The following CCDC93 variants were observed in gnomAD, a reference collection of about 807,000 sequenced individuals.
CCDC93 encodes CCC complex scaffolding subunit CCDC93, also known as coiled-coil domain-containing protein 93.
CCDC93 carries 61 observed loss-of-function variants against 108.2 expected under a neutral mutation model. The ratio of observed to expected loss-of-function variants is 0.56; its 90% CI spans 0.46 to 0.70. The LOEUF is 0.70. Ranked by LOEUF, CCDC93 falls within the 30% of genes least tolerant of loss-of-function variation. The pLI, the probability that CCDC93 is intolerant of heterozygous loss-of-function variation, is 0.00. For synonymous variants in CCDC93, 276 were observed against 260.4 expected (o/e 1.06, Z -0.58); for missense variants, 685 against 764.2 (o/e 0.90, Z 1.22).
intron 14 of CCDC93, 64 bp from the exon 15 acceptor site, chr2:117,948,250 A>T: frequency 8.3e-7 from 1 of 1,210,458 alleles, no homozygotes; most frequent in Non-Finnish European, 1.2e-6. Context: ...ATCGCAGCTA[A>T]AAGCAGGTCC....
rs865881161 is a variant in CCDC93 at position 117,941,040 on chromosome 2, G to A, written c.1522+149C>T. On this transcript the variant is annotated intron_variant, in intron 19 of 23. Transcript: ENST00000376300. ...GCACCACAGTGCTGCTCCCGGGACTGCCAAGTGGGCCTGCTGATGAAACGG... is the reference window on the plus strand; with the variant it reads ...GCACCACAGTGCTGCTCCCGGGACTACCAAGTGGGCCTGCTGATGAAACGG... The A allele has an allele frequency of 5.6e-5, 35 of 622,388 alleles. No homozygotes were observed. In the Middle Eastern group the frequency reaches 3.3e-3, roughly 59 times the overall value. The allele number at this position is 622,388 out of a possible 1,614,324, so 38.6% of individuals were successfully genotyped here. A position where few individuals can be genotyped will look rare whatever the true frequency, so the allele number is the denominator to read the frequency against.
At chr2:117,938,538 A>C (rs1341460176) in intron 20 of CCDC93, among the ~76,000 whole-genome samples, 2 of 130,016 alleles carry the variant, frequency 1.5e-5, no homozygotes, top group African/African-American at 5.9e-5. Context: ...TATAATAATA[A>C]AAGAAAAAAA....
chr2:117,961,879 C>A (rs1421434585), intron 11 of CCDC93, among the ~76,000 whole-genome samples: 1 of 152,222 alleles, frequency 6.6e-6, no homozygotes, highest in Non-Finnish European at 1.5e-5. Context: ...CAACCATCTA[C>A]AAATATTCCA....
intron 6 of CCDC93, 151 bp from the exon 7 acceptor site, chr2:117,986,220 A>G: frequency 1.9e-6 from 1 of 531,954 alleles, no homozygotes; most frequent in Non-Finnish European, 3.3e-6. Flanking sequence ...GCTGGAATGC[A>G]GTGGCGCGAT....
intron 6 of CCDC93, among the ~76,000 whole-genome samples, chr2:117,992,254 T>C (rs1260425633): frequency 6.6e-6 from 1 of 152,146 alleles, no homozygotes; most frequent in Non-Finnish European, 1.5e-5. Context: ...TTTTTATTTA[T>C]TGTTTTGAGA....
chr2:117,942,755 G>T (rs1678741340), intron 18 of CCDC93, among the ~76,000 whole-genome samples: 1 of 152,136 alleles, frequency 6.6e-6, no homozygotes, highest in South Asian at 2.1e-4. Flanking sequence ...CAACACTGCA[G>T]ACACCCAAAT....
At chr2:117,981,545 C>T (rs1373655009) in intron 7 of CCDC93, among the ~76,000 whole-genome samples, 1 of 152,176 alleles carries the variant, frequency 6.6e-6, no homozygotes. Context: ...TCCCATCATC[C>T]AGTTCACTTC....
chr2:117,973,294 G>A (rs1300795948), intron 11 of CCDC93, among the ~76,000 whole-genome samples: 3 of 151,804 alleles, frequency 2.0e-5, no homozygotes, highest in Non-Finnish European at 4.4e-5. Context: ...GTGCAACAAT[G>A]TCCTGTAAAT....
chr2:117,954,018 C>T (rs556683517), intron 12 of CCDC93, among the ~76,000 whole-genome samples: 2 of 152,316 alleles, frequency 1.3e-5, no homozygotes, highest in South Asian at 2.1e-4. Context: ...CGATCTTGGA[C>T]TTCCCAACCT....
chr2:117,959,370 CT>C (rs1337083861), intron 11 of CCDC93, among the ~76,000 whole-genome samples: 1 of 152,190 alleles, frequency 6.6e-6, no homozygotes, highest in Non-Finnish European at 1.5e-5. Flanking sequence ...AATAAAACAT[CT>C]TCTTTCTTAT....
At chr2:117,939,194 C>A (rs1347394299) in intron 19 of CCDC93, 83 bp from the exon 20 acceptor site, 51 of 808,866 alleles carry the variant, frequency 6.3e-5, no homozygotes, top group Non-Finnish European at 3.3e-5. Context: ...GAATGCACTG[C>A]CAGGACAACT....
chr2:117,933,498 G>T (rs1187053300), intron 22 of CCDC93, among the ~76,000 whole-genome samples: 1 of 152,140 alleles, frequency 6.6e-6, no homozygotes, highest in Non-Finnish European at 1.5e-5. Context: ...TCTGAGTGAG[G>T]TCGAAATGCT....
At position 118,013,992 on chromosome 2, in the gene CCDC93, C is replaced by A; in HGVS notation, c.4G>T (p.Gly2Trp). The A allele has an allele frequency of 6.3e-7, 1 of 1,594,940 alleles. No homozygotes were observed. Residue 2 changes from glycine to tryptophan, a missense_variant, in exon 1 of 24, where the codon GGG (glycine) becomes TGG (tryptophan). By Grantham distance (184) the Gly-to-Trp change is radical (BLOSUM62 -2). Coordinates refer to ENST00000376300, the MANE Select transcript of CCDC93 (RefSeq NM_019044.5). M[G>W]LPRGPEGQGL... ...TGGCCCTCCGGCCCCCTGGGCAACC[C>A]CATGATCCGACCGGGCTGTCGTAAG... is the stretch of plus-strand genomic sequence containing the variant.
In CCDC93 at chr2:117,977,140, G is replaced by A. The variant is rs190395127; in HGVS notation, c.657+854C>T. Among the ~76,000 whole-genome samples the A allele has an allele frequency of 2.4e-4, 37 of 152,030 alleles. 1 individual carries two copies. The highest frequency in any genetic ancestry group is 6.3e-4 in the African/African-American group (26 of 41,454). On this transcript the variant is annotated intron_variant, in intron 8 of 23. Coordinates refer to ENST00000376300, the MANE Select transcript of CCDC93 (RefSeq NM_019044.5). ...TTTTTAGTAGAGACGGGGTTTCACC[G>A]TGTTAGCCAGGACGGTCTCGATCTC...
chr2:117,978,301 T>C lies in CCDC93; in HGVS notation c.621-271A>G, dbSNP rs936822868. Among the ~76,000 whole-genome samples the C allele has an allele frequency of 1.8e-4, 27 of 152,230 alleles. 1 individual carries two copies. Among genetic ancestry groups the C allele is most frequent in the Admixed American group, 1.5e-3 (23 of 15,290 alleles). ...GCAACATTTTCCTTAAGTGCAATTA[T>C]GACTTTTTGAATCAGCCACTGCATT... On this transcript the variant is annotated intron_variant, in intron 7 of 23. Coordinates refer to ENST00000376300, the MANE Select transcript of CCDC93 (RefSeq NM_019044.5).
chr2:117,984,515 C>A (rs910292672), intron 7 of CCDC93, among the ~76,000 whole-genome samples: 3 of 152,154 alleles, frequency 2.0e-5, no homozygotes, highest in African/African-American at 4.8e-5. Context: ...TACAAAAGAT[C>A]CCATTTGAAC....
At position 117,931,125 on chromosome 2, in the gene CCDC93, T is replaced by C; in HGVS notation, c.1754A>G (p.Lys585Arg). 1.2e-6 allele frequency: 2 copies of C among 1,613,734 alleles called. No individual in the cohort carries two copies. Among genetic ancestry groups the C allele is most frequent in the Non-Finnish European group, 1.7e-6 (2 of 1,179,668 alleles). The change falls in exon 23 of 24, where the codon AAA becomes AGA. Residue 585 changes from lysine (K) to arginine (R), a missense_variant. By Grantham distance (26) the Lys-to-Arg change is conservative. Transcript: ENST00000376300. ...MKMEKKKQEN[K>R]MRRDQLNDQY... ...GTCGTTCAACTGGTCTCTTCTCATTTTGTTCTCTTGCTTTTTCTTTTCCAT... is the reference window on the plus strand; with the variant it reads ...GTCGTTCAACTGGTCTCTTCTCATTCTGTTCTCTTGCTTTTTCTTTTCCAT...
In CCDC93 at chr2:117,985,988, T is replaced by C. The variant is rs758924778; in HGVS notation, c.601A>G (p.Thr201Ala). ...LLDEESRIHA[T>A]LLEYGRRYGF... ...CATTACCTGCCATATTCCAAAAGTG[T>C]AGCATGGATTCGAGATTCTTCATCA... Residue 201 changes from threonine (T) to alanine (A), a missense_variant, in exon 7 of 24, where the codon ACA becomes GCA. Transcript: ENST00000376300. 3.8e-5 allele frequency: 61 copies of C among 1,610,772 alleles called. No homozygotes were observed. In the Admixed American group the frequency reaches 4.3e-4, roughly 11 times the overall value.
intron 8 of CCDC93, among the ~76,000 whole-genome samples, chr2:117,976,745 G>C (rs761381100): frequency 2.6e-5 from 4 of 152,100 alleles, no homozygotes; most frequent in Non-Finnish European, 4.4e-5. Context: ...AGCTAGTCTG[G>C]CTTTAGAACA....
Sources: gnomAD v4.1 joint callset for allele counts (sites outside exome capture counted in the v4.1 genomes callset) on GRCh38, gnomAD v4.1.1 for gene constraint, MANE v1.5 for transcripts, NCBI Gene and HGNC (gene_info 2026-07-23, HGNC 2026-07-21) for gene names.